Variants in SCRG1 observed in about 807,000 individuals in gnomAD.
SCRG1 encodes stimulator of chondrogenesis 1, also known as scrapie-responsive protein 1.
Under a neutral mutation model 7.7 loss-of-function variants are expected in SCRG1, and 3 were observed. The ratio of observed to expected loss-of-function variants is 0.39; its 90% confidence interval spans 0.18 to 1.01. The LOEUF is 1.01. Ranked by LOEUF, SCRG1 falls within the 50% of genes least tolerant of loss-of-function variation. The pLI is 0.36. For missense variants in SCRG1, 110 were observed against 117.2 expected (o/e 0.94, Z 0.28); for synonymous variants, 46 against 41.2 (o/e 1.12, Z -0.44).
chr4:173,503,483 G>C, the SCRG1 span, among the ~76,000 whole-genome samples: 1 of 152,168 alleles, frequency 6.6e-6, no homozygotes, highest in Non-Finnish European at 1.5e-5. This position sits in a 1 kb window ranked among gnomAD's most constrained non-coding sequence, Gnocchi z 6.4. Context: ...GTCTTGGGGT[G>C]GGGAGGGGAG....
the SCRG1 span, among the ~76,000 whole-genome samples, chr4:173,503,691 A>C: frequency 6.6e-6 from 1 of 152,190 alleles, no homozygotes; most frequent in African/African-American, 2.4e-5. The surrounding 1 kb of genome is among the most constrained non-coding windows in gnomAD (Gnocchi z 6.4). Flanking sequence ...GAGACCACAA[A>C]GTCAGTCCAG....
the SCRG1 span, among the ~76,000 whole-genome samples, chr4:173,453,633 TA>T: frequency 2.6e-5 from 4 of 152,158 alleles, no homozygotes; most frequent in African/African-American, 9.7e-5. Context: ...AAAGGTACAT[TA>T]AAAAATATGG....
the SCRG1 span, among the ~76,000 whole-genome samples, chr4:173,462,788 A>G: frequency 6.6e-6 from 1 of 152,202 alleles, no homozygotes. Flanking sequence ...AAATAGAAAC[A>G]ACAAAAAGTT....
chr4:173,507,723 G>A, the SCRG1 span, among the ~76,000 whole-genome samples: 1 of 152,176 alleles, frequency 6.6e-6, no homozygotes, highest in Non-Finnish European at 1.5e-5. The surrounding 1 kb of genome is among the most constrained non-coding windows in gnomAD (Gnocchi z 4.4). Flanking sequence ...CAACAACCCC[G>A]CAGGATGAGA....
chr4:173,407,053 C>CA (rs1739927963), upstream of SCRG1, among the ~76,000 whole-genome samples: 2 of 151,134 alleles, frequency 1.3e-5, no homozygotes, highest in South Asian at 2.1e-4. Flanking sequence ...ACTAAAAATA[C>CA]AAAAAATTAG....
At chr4:173,432,292 TTCC>T in the SCRG1 span, among the ~76,000 whole-genome samples, 7 of 140,214 alleles carry the variant, frequency 5.0e-5, no homozygotes, top group African/African-American at 5.3e-5. Flanking sequence ...CCTTCCTTCC[TTCC>T]TCCCCCCCTC....
chr4:173,486,758 A>G, the SCRG1 span, among the ~76,000 whole-genome samples: 4 of 152,128 alleles, frequency 2.6e-5, no homozygotes, highest in African/African-American at 9.7e-5. Context: ...CTGGGGTGTC[A>G]AAGTCAAGCT....
the SCRG1 span, among the ~76,000 whole-genome samples, chr4:173,421,907 C>A: frequency 6.6e-6 from 1 of 151,962 alleles, no homozygotes; most frequent in African/African-American, 2.4e-5. Context: ...TTTTTGTTTT[C>A]TTCCTCGATA....
chr4:173,389,886 A>G (rs961552008), intron 2 of SCRG1: 7 of 431,680 alleles, frequency 1.6e-5, no homozygotes, highest in Admixed American at 9.6e-5. Context: ...TGAAAATATG[A>G]TGACATCTGT....
the SCRG1 span, among the ~76,000 whole-genome samples, chr4:173,423,497 A>G: frequency 6.6e-6 from 1 of 152,176 alleles, no homozygotes; most frequent in African/African-American, 2.4e-5. Context: ...TGATAAAGAC[A>G]GCGTTTGCTA....
the SCRG1 span, among the ~76,000 whole-genome samples, chr4:173,429,116 T>C: frequency 1.3e-5 from 2 of 152,088 alleles, no homozygotes; most frequent in Non-Finnish European, 2.9e-5. Context: ...AAATAGAAAA[T>C]GGAAAGAAGA....
At chr4:173,412,784 A>G in the SCRG1 span, among the ~76,000 whole-genome samples, 2 of 152,154 alleles carry the variant, frequency 1.3e-5, no homozygotes, top group African/African-American at 4.8e-5. Context: ...CAAGTGGCTT[A>G]GGAGAGTTGT....
chr4:173,397,784 C>CA (rs1196270544), intron 1 of SCRG1, among the ~76,000 whole-genome samples: 1 of 152,180 alleles, frequency 6.6e-6, no homozygotes, highest in Admixed American at 6.6e-5. Flanking sequence ...TGCAAATGCT[C>CA]ATACAGGCAG....
the SCRG1 span, among the ~76,000 whole-genome samples, chr4:173,432,301 C>T: frequency 7.2e-6 from 1 of 138,834 alleles, no homozygotes; most frequent in Non-Finnish European, 1.6e-5. Flanking sequence ...CTTCCTCCCC[C>T]CCTCCCTCCC....
At chr4:173,484,671 T>G in the SCRG1 span, among the ~76,000 whole-genome samples, 1 of 54,334 alleles carries the variant, frequency 1.8e-5, no homozygotes, top group Non-Finnish European at 3.2e-5. Context: ...ATATATAACA[T>G]GATGTATAAT....
chr4:173,481,345 T>C, the SCRG1 span, among the ~76,000 whole-genome samples: 1 of 152,142 alleles, frequency 6.6e-6, no homozygotes, highest in Non-Finnish European at 1.5e-5. Flanking sequence ...GTAATCAACT[T>C]TTCCACGTGA....
chr4:173,488,126 TAAA>T, the SCRG1 span, among the ~76,000 whole-genome samples: 2 of 151,150 alleles, frequency 1.3e-5, no homozygotes, highest in African/African-American at 2.4e-5. Flanking sequence ...AATAAATAAA[TAAA>T]TAAATTTAAA....
chr4:173,504,808 G>T, the SCRG1 span, among the ~76,000 whole-genome samples: 1 of 152,310 alleles, frequency 6.6e-6, no homozygotes, highest in Admixed American at 6.5e-5. The surrounding 1 kb of genome is among the most constrained non-coding windows in gnomAD (Gnocchi z 4.7). Context: ...CCAGCCCCAT[G>T]ACCCAGGGGG....
chr4:173,483,485 ATATAT>A, the SCRG1 span, among the ~76,000 whole-genome samples: 12 of 74,612 alleles, frequency 1.6e-4, 2 homozygotes, highest in African/African-American at 7.1e-4. Context: ...CTGATATATA[ATATAT>A]TATATATTAT....
Sources: allele counts gnomAD v4.1 joint callset (sites outside exome capture counted in the v4.1 genomes callset), GRCh38; gene constraint gnomAD v4.1.1; non-coding constraint Gnocchi (gnomAD v3.1); transcripts MANE v1.5; gene names NCBI Gene and HGNC (gene_info 2026-07-23, HGNC 2026-07-21).